The following NIBAN3 variants were observed in gnomAD, a reference collection of about 807,000 sequenced individuals.
The protein encoded by NIBAN3 is protein Niban 3.
Under a neutral mutation model 76.4 loss-of-function variants are expected in NIBAN3, and 66 were observed. The ratio of observed to expected loss-of-function variants is 0.86; its 90% confidence interval spans 0.71 to 1.06. The LOEUF (loss-of-function observed/expected upper bound fraction) is 1.06. Ranked by LOEUF, NIBAN3 falls within the 50% of genes least tolerant of loss-of-function variation. The probability of loss-of-function intolerance (pLI) is 0.00; values close to 1 mark genes in which losing one functional copy is unlikely to be tolerated. For synonymous variants in NIBAN3, 360 were observed against 355.2 expected, an observed-to-expected ratio of 1.01 and a Z score of -0.15; for missense variants, 808 against 810.7, an observed-to-expected ratio of 1.00 and a Z score of 0.04.
At chr19:17,538,587 C>T (rs2075868556) in intron 5 of NIBAN3, among the ~76,000 whole-genome samples, 1 of 149,396 alleles carries the variant, frequency 6.7e-6, no homozygotes, top group African/African-American at 2.5e-5. Context: ...CATGCTACCG[C>T]ACTTCAGCCT....
At chr19:17,549,728 G>A (rs1329709154) in intron 14 of NIBAN3, 1 of 641,006 alleles carries the variant, frequency 1.6e-6, no homozygotes, top group Admixed American at 2.3e-5. Flanking sequence ...GAGCCACAGA[G>A]GGACCCTCTA....
At chr19:17,525,404 C>T (rs772427008), upstream of NIBAN3, among the ~76,000 whole-genome samples, 5 of 152,042 alleles carry the variant, frequency 3.3e-5, no homozygotes, top group Non-Finnish European at 5.9e-5. Context: ...CAGCAAACAT[C>T]GAGGGCTGCT....
At chr19:17,538,266 A>G (rs191137990) in intron 5 of NIBAN3, among the ~76,000 whole-genome samples, 2 of 151,756 alleles carry the variant, frequency 1.3e-5, no homozygotes, top group East Asian at 3.9e-4. Flanking sequence ...AATACAAAAA[A>G]TTAGCCGAGC....
At chr19:17,528,831 T>A (rs1384723670) in intron 1 of NIBAN3, among the ~76,000 whole-genome samples, 1 of 151,860 alleles carries the variant, frequency 6.6e-6, no homozygotes, top group East Asian at 1.9e-4. Flanking sequence ...TGCAGCAGCA[T>A]GGAAGAGTGT....
chr19:17,529,464 G>A (rs1340094487), intron 1 of NIBAN3, among the ~76,000 whole-genome samples: 2 of 152,092 alleles, frequency 1.3e-5, no homozygotes, highest in African/African-American at 2.4e-5. Context: ...TCCACATTCC[G>A]GGCAGCAGAA....
chr19:17,533,476 G>A, intron 3 of NIBAN3, 111 bp from the exon 4 acceptor site: 1 of 646,522 alleles, frequency 1.5e-6, no homozygotes, highest in South Asian at 2.0e-5. Context: ...AGGGGTGGGA[G>A]GGGCAGAGGA....
chr19:17,540,575 G>C lies in NIBAN3; in HGVS notation c.1163G>C (p.Arg388Pro). 1 of 1,508,804 alleles carries C rather than the reference G, an allele frequency of 6.6e-7. No homozygotes were observed. The highest frequency in any genetic ancestry group is 8.9e-7 in the Non-Finnish European group (1 of 1,125,496). The allele number at this position is 1,508,804 out of a possible 1,614,324, so 93.5% of individuals were successfully genotyped here. Residue 388 changes from arginine (R) to proline (P), a missense_variant, in exon 9 of 15, where the codon CGC becomes CCC. By Grantham distance (103) the Arg-to-Pro change is moderately radical. Coordinates refer to ENST00000599164, the MANE Select transcript of NIBAN3 (RefSeq NM_001321827.2). ...LRQSPSGTRL[R>P]REVYSFGEMP... ...CAGAGCCCCTCAGGCACGCGGCTGC[G>C]CAGGGAGGTGAGCTCCCGTGGGTAG...
At chr19:17,538,772 G>A (rs374221447) in intron 5 of NIBAN3, among the ~76,000 whole-genome samples, 2 of 150,692 alleles carry the variant, frequency 1.3e-5, no homozygotes, top group Non-Finnish European at 3.0e-5. Context: ...GAGGGAGGGA[G>A]GGAAAGGAAG....
rs1278222351 is a variant in NIBAN3, at chr19:17,542,081, C to A, written c.1171-55C>A. On this transcript the variant is annotated intron_variant, in intron 9 of 14. Coordinates refer to ENST00000599164, the MANE Select transcript of NIBAN3 (RefSeq NM_001321827.2). This position sits in a 1 kb window ranked among gnomAD's most constrained non-coding sequence, Gnocchi z 4.8. ...GGTGAATTGGTAATGGGGTCCCTGG[C>A]CCTTTGCAATCAGCTGACAGCATTT... is the stretch of plus-strand genomic sequence containing the variant. 35 of 1,603,122 alleles carry A rather than the reference C, an allele frequency of 2.2e-5. No homozygotes were observed. The highest frequency in any genetic ancestry group is 3.0e-5 in the Non-Finnish European group (35 of 1,170,742).
At chr19:17,545,154 C>CTATT (rs1239456120) in intron 12 of NIBAN3, 2 of 143,168 alleles carry the variant, frequency 1.4e-5, no homozygotes, top group East Asian at 2.1e-4. Flanking sequence ...CAGAGAGAGA[C>CTATT]TATTTTATTT....
chr19:17,546,120 T>C (rs969267506), intron 12 of NIBAN3: 3 of 214,254 alleles, frequency 1.4e-5, no homozygotes, highest in Non-Finnish European at 3.0e-5. Flanking sequence ...TACCTCACTA[T>C]GCCCCCTCAG....
intron 2 of NIBAN3, 101 bp downstream of exon 2, chr19:17,530,986 T>TATTTAA (rs1446370281): frequency 6.8e-5 from 91 of 1,335,840 alleles, no homozygotes; most frequent in Non-Finnish European, 8.1e-5. Context: ...GCCATTGCCA[T>TATTTAA]AGGATGACTT....
rs2076160741 is a variant in NIBAN3 at position 17,551,788 on chromosome 19, G to A, written c.1753G>A (p.Glu585Lys). 1.3e-6 allele frequency: 1 copy of A among 778,858 alleles called. No individual in the cohort carries two copies. The highest frequency in any genetic ancestry group is 1.3e-5 in the South Asian group (1 of 74,492). The allele number at this position is 778,858 out of a possible 1,614,324, so 48.2% of individuals were successfully genotyped here. A position where few individuals can be genotyped will look rare whatever the true frequency, so the allele number is the denominator to read the frequency against. ...EVPWEQEGAD[E>K]ETEAEREGGA... ...TCCGTATATTTTCCATTATACAGAT[G>A]AGGAAACTGAGGCTGAGCGGGAAGG... The change falls in exon 15 of 15, where the codon GAG becomes AAG. Residue 585 changes from glutamate to lysine, a missense_variant and splice_region_variant. Physicochemically the swap from Glu to Lys is moderately conservative, Grantham distance 56. Coordinates refer to ENST00000599164, the MANE Select transcript of NIBAN3 (RefSeq NM_001321827.2).
chr19:17,544,867 C>A (rs560288504), intron 12 of NIBAN3, among the ~76,000 whole-genome samples: 1 of 152,248 alleles, frequency 6.6e-6, no homozygotes, highest in Non-Finnish European at 1.5e-5. Flanking sequence ...CCTAATTAAT[C>A]CCATGAATCC....
chr19:17,530,533 A>C (rs1009212756), intron 1 of NIBAN3, among the ~76,000 whole-genome samples: 1 of 70,450 alleles, frequency 1.4e-5, no homozygotes, highest in African/African-American at 1.0e-4. Flanking sequence ...CTCCATCTCA[A>C]AAAAAAAAAA....
chr19:17,550,318 C>A (rs915461743), intron 14 of NIBAN3, among the ~76,000 whole-genome samples: 4 of 152,092 alleles, frequency 2.6e-5, no homozygotes, highest in African/African-American at 9.7e-5. Context: ...TGATCTGGGA[C>A]AGAGAAACTG....
At chr19:17,539,046 G>C (rs1158251937) in intron 5 of NIBAN3, 104 bp from the exon 6 acceptor site, 1 of 930,646 alleles carries the variant, frequency 1.1e-6, no homozygotes, top group Non-Finnish European at 1.6e-6. Flanking sequence ...AGATGGGTGA[G>C]ACTTGGGTGT....
At chr19:17,546,457 C>T (rs532663590) in intron 12 of NIBAN3, 16 of 725,246 alleles carry the variant, frequency 2.2e-5, no homozygotes, top group Admixed American at 2.1e-4. Flanking sequence ...CCTCATGATC[C>T]GCCCACCTCA....
At position 17,542,144 on chromosome 19, in the gene NIBAN3, A is replaced by T. The variant is rs2075964458; in HGVS notation, c.1179A>T (p.Ser393=). The T allele has an allele frequency of 1.2e-6, 2 of 1,613,922 alleles. No individual in the cohort carries two copies. The change falls in exon 10 of 15, where the codon TCA becomes TCT. Residue 393 remains serine (S), a synonymous_variant. Transcript: ENST00000599164. This position sits in a 1 kb window ranked among gnomAD's most constrained non-coding sequence, Gnocchi z 4.8. ...TGCTTCCGGGAGCACAGGTTTACTC[A>T]TTTGGGGAGATGCCGTGGGACTTGG... ...SGTRLRREVY[S]FGEMPWDLAL...
Sources: allele counts gnomAD v4.1 joint callset (sites outside exome capture counted in the v4.1 genomes callset), GRCh38; gene constraint gnomAD v4.1.1; non-coding constraint Gnocchi (gnomAD v3.1); transcripts MANE v1.5; gene names NCBI Gene and HGNC (gene_info 2026-07-23, HGNC 2026-07-21).